Variants in SNAPC4 observed in about 807,000 individuals in gnomAD.
SNAPC4 encodes snRNA-activating protein complex subunit 4.
In SNAPC4, 127 loss-of-function variants were observed where a neutral mutation model predicts 151.3. The ratio of observed to expected loss-of-function variants is 0.84; its 90% confidence interval spans 0.73 to 0.97. SNAPC4 has a LOEUF of 0.97. Among genes scored for constraint, SNAPC4 ranks in the 50% least tolerant of loss-of-function variants. The pLI, the probability that SNAPC4 is intolerant of heterozygous loss-of-function variation, is 0.00. For missense variants in SNAPC4, 2,186 were observed against 1,935.0 expected (o/e 1.13, Z -2.43); for synonymous variants, 1,002 against 824.4 (o/e 1.22, Z -3.69).
Position 136,387,052 on chromosome 9 carries a change from T to C in SNAPC4, c.1325+433A>G, listed in dbSNP as rs1193259279. ...GAGCCACTGCGCCCAGCTTCGGAAA[T>C]ATACACTTTAAATGAACGCATCGCA... On this transcript the variant is annotated intron_variant, in intron 13 of 23. Transcript: ENST00000684778. Among the ~76,000 whole-genome samples, 3 of 152,202 alleles carry C rather than the reference T, an allele frequency of 2.0e-5. No individual in the cohort carries two copies. In the East Asian group the frequency reaches 5.8e-4, roughly 29 times the overall value.
Position 136,376,355 on chromosome 9 carries a change from C to T in SNAPC4, c.*1G>A. 1 of 1,613,076 alleles carries T rather than the reference C, an allele frequency of 6.2e-7. No individual in the cohort carries two copies. Among genetic ancestry groups the T allele is most frequent in the Non-Finnish European group, 8.5e-7 (1 of 1,179,934 alleles). On this transcript the variant is annotated 3_prime_UTR_variant, in exon 23 of 24. Transcript: ENST00000684778. ...CTCCCCACTCAGGACTCACCTGCTG[C>T]TCACACCAGCCGCCTCCGCTTCCGG...
Position 136,377,605 on chromosome 9 carries a change from C to G in SNAPC4, c.4222G>C (p.Glu1408Gln), listed in dbSNP as rs558443363. ...SESEDEDLLS[E>Q]LELADRDGQP... Reference sequence around the variant, plus strand: ...CCGTCCCTGTCTGCAAGTTCCAGCTCACTCAGGAGGTCTTCATCCTCACTC... The same window carrying G: ...CCGTCCCTGTCTGCAAGTTCCAGCTGACTCAGGAGGTCTTCATCCTCACTC... Residue 1408 changes from glutamate to glutamine, a missense_variant, in exon 22 of 24, where the codon GAG (glutamate) becomes CAG (glutamine). Coordinates refer to ENST00000684778, the MANE Select transcript of SNAPC4 (RefSeq NM_003086.4). The G allele has an allele frequency of 1.3e-6, 2 of 1,541,990 alleles. No individual in the cohort carries two copies. The highest frequency in any genetic ancestry group is 1.4e-5 in the African/African-American group (1 of 72,790).
intron 22 of SNAPC4, among the ~76,000 whole-genome samples, 164 bp downstream of exon 22, chr9:136,377,379 G>A (rs548471033): frequency 4.6e-5 from 7 of 152,262 alleles, no homozygotes; most frequent in South Asian, 2.1e-4. Context: ...GAATCTACAC[G>A]CAACTGGGCA....
intron 11 of SNAPC4, among the ~76,000 whole-genome samples, chr9:136,388,202 G>A (rs959630859): frequency 6.6e-6 from 1 of 151,470 alleles, no homozygotes; most frequent in African/African-American, 2.4e-5. Context: ...GGGAGGCAGA[G>A]GTTGCAGTGA....
rs113958885 is a variant in SNAPC4 at position 136,375,906 on chromosome 9, G to A, written c.*8-106C>T. On this transcript the variant is annotated intron_variant, in intron 23 of 23. Transcript: ENST00000684778. ...CCAAGACCACCCCAGCGCCGGCCACGCCCAGTCTGCTTGGTAAACCTGACC... is the reference window on the plus strand; with the variant it reads ...CCAAGACCACCCCAGCGCCGGCCACACCCAGTCTGCTTGGTAAACCTGACC... 1,006 of 155,452 alleles carry A rather than the reference G, an allele frequency of 6.5e-3. 15 individuals are homozygous for A. The highest frequency in any genetic ancestry group is 0.023 in the African/African-American group (966 of 41,658). 9.6% of individuals were successfully genotyped at this position (155,452 alleles called of 1,614,324 possible). A position where few individuals can be genotyped will look rare whatever the true frequency, so the allele number is the denominator to read the frequency against.
Position 136,394,852 on chromosome 9 carries a change from T to C in SNAPC4, c.498A>G (p.Arg166=). 6.2e-7 allele frequency: 1 copy of C among 1,613,854 alleles called. No homozygotes were observed. The highest frequency in any genetic ancestry group is 8.5e-7 in the Non-Finnish European group (1 of 1,179,958). ...GVGPPANEDT[R]EKAAQGIKAF... ...CCTTGATCCCCTGGGCAGCCTTCTC[T>C]CGTGTGTCCTCGTTGGCAGGTGGCC... Residue 166 remains arginine (R), a synonymous_variant, in exon 6 of 24, where the codon CGA becomes CGG. Coordinates refer to ENST00000684778, the MANE Select transcript of SNAPC4 (RefSeq NM_003086.4).
Position 136,379,322 on chromosome 9 carries a change from C to G in SNAPC4, c.2528-23G>C, listed in dbSNP as rs781518094. The G allele has an allele frequency of 3.1e-6, 5 of 1,611,678 alleles. 1 individual carries two copies. The Admixed American group carries it at 8.3e-5, about 27-fold the overall frequency. ...GGCCTGTGGGGAGGAAAGACCCACA[C>G]TTGATAAGCCCCAGGCATCTGGCCC... is the stretch of plus-strand genomic sequence containing the variant. On this transcript the variant is annotated intron_variant, in intron 21 of 23. Coordinates refer to ENST00000684778, the MANE Select transcript of SNAPC4 (RefSeq NM_003086.4).
At position 136,392,345 on chromosome 9, in the gene SNAPC4, C is replaced by T. The variant is rs779660708; in HGVS notation, c.810+177G>A. On this transcript the variant is annotated intron_variant, in intron 9 of 23. Coordinates refer to ENST00000684778, the MANE Select transcript of SNAPC4 (RefSeq NM_003086.4). Reference sequence around the variant, plus strand: ...GGCCGTGCACCAGCCTGAAGGCCCTCGTGAGTCCACTCGCCATTCCCGACT... The same window carrying T: ...GGCCGTGCACCAGCCTGAAGGCCCTTGTGAGTCCACTCGCCATTCCCGACT... Among the ~76,000 whole-genome samples, 10 of 152,180 alleles carry T rather than the reference C, an allele frequency of 6.6e-5. No individual in the cohort carries two copies. The South Asian group carries it at 8.3e-4, about 13-fold the overall frequency.
chr9:136,384,343 C>G (rs1247154935), intron 14 of SNAPC4, among the ~76,000 whole-genome samples: 8 of 152,236 alleles, frequency 5.3e-5, no homozygotes, highest in African/African-American at 1.9e-4. Flanking sequence ...GATTCCCGCT[C>G]TTCACAGTGT....
intron 13 of SNAPC4, among the ~76,000 whole-genome samples, chr9:136,386,380 A>G (rs887104710): frequency 6.6e-6 from 1 of 151,666 alleles, no homozygotes; most frequent in African/African-American, 2.4e-5. Context: ...TGATGGCTGC[A>G]CAGCTCAATG....
chr9:136,394,476 A>G (rs1448078998), intron 6 of SNAPC4, 146 bp from the exon 7 acceptor site: 2 of 732,054 alleles, frequency 2.7e-6, no homozygotes, highest in Non-Finnish European at 4.9e-6. Context: ...TGGCCCCTCC[A>G]CCCAGCTGAC....
chr9:136,394,987 T>G, intron 5 of SNAPC4, 109 bp from the exon 6 acceptor site: 1 of 1,002,456 alleles, frequency 1.0e-6, no homozygotes, highest in Non-Finnish European at 1.5e-6. Context: ...CTGCCTCCTG[T>G]TCTCCCGTAC....
Position 136,383,656 on chromosome 9 carries a change from G to A in SNAPC4, c.1513C>T (p.Leu505Phe). 6.2e-7 allele frequency: 1 copy of A among 1,605,198 alleles called. No homozygotes were observed. Among genetic ancestry groups the A allele is most frequent in the Non-Finnish European group, 8.5e-7 (1 of 1,175,400 alleles). Residue 505 changes from leucine (L) to phenylalanine (F), a missense_variant, in exon 16 of 24, where the codon CTC becomes TTC. By Grantham distance (22) the Leu-to-Phe change is conservative. Coordinates refer to ENST00000684778, the MANE Select transcript of SNAPC4 (RefSeq NM_003086.4). The surrounding 1 kb of genome is among the most constrained non-coding windows in gnomAD (Gnocchi z 4.2). ...WKIMMGKKQG[L>F]RRRRRRARHS... ...CGGGCCCTCCGCCGCCGCCTCCGGAGACCCTGCTTCTTCTGAGGGGAGGAA... is the reference window on the plus strand; with the variant it reads ...CGGGCCCTCCGCCGCCGCCTCCGGAAACCCTGCTTCTTCTGAGGGGAGGAA...
Position 136,376,432 on chromosome 9 carries a change from G to A in SNAPC4, c.4334C>T (p.Ser1445Phe). 1.2e-6 allele frequency: 2 copies of A among 1,613,548 alleles called. No homozygotes were observed. The highest frequency in any genetic ancestry group is 2.2e-5 in the East Asian group (1 of 44,888). ...KCSASSCLDT[S>F]NDPDDLDVLR... is the part of the protein sequence containing the mutation. ...CACGTCCAGGTCGTCAGGGTCATTAGAAGTATCCAGGCAGGAGGAAGCAGA... is the reference window on the plus strand; with the variant it reads ...CACGTCCAGGTCGTCAGGGTCATTAAAAGTATCCAGGCAGGAGGAAGCAGA... The change falls in exon 23 of 24, where the codon TCT (serine) becomes TTT (phenylalanine). Residue 1445 changes from serine (S) to phenylalanine (F), a missense_variant. By Grantham distance (155) the Ser-to-Phe change is radical (BLOSUM62 -2). Coordinates refer to ENST00000684778, the MANE Select transcript of SNAPC4 (RefSeq NM_003086.4).
chr9:136,398,498 C>T, intron 1 of SNAPC4, 61 bp from the exon 2 acceptor site: 2 of 1,577,006 alleles, frequency 1.3e-6, no homozygotes, highest in Non-Finnish European at 1.7e-6. Flanking sequence ...TCCCATTCTC[C>T]TTCAGACACA....
At chr9:136,394,666 G>A in intron 6 of SNAPC4, 134 bp downstream of exon 6, 1 of 764,676 alleles carries the variant, frequency 1.3e-6, no homozygotes, top group South Asian at 1.7e-5. Context: ...GCCAGTCCCA[G>A]TGGTCAAGGC....
chr9:136,392,659 G>A lies in SNAPC4; in HGVS notation c.737+14C>T. 4 of 1,613,558 alleles carry A rather than the reference G, an allele frequency of 2.5e-6. No individual in the cohort carries two copies. The highest frequency in any genetic ancestry group is 3.4e-6 in the Non-Finnish European group (4 of 1,179,832). On this transcript the variant is annotated intron_variant, in intron 8 of 23. Coordinates refer to ENST00000684778, the MANE Select transcript of SNAPC4 (RefSeq NM_003086.4). ...TGTGGGCTCCCCTGGGCCCTCCCGG[G>A]AGGCCCCCCTCACTTGATGTCCTGG...
At chr9:136,399,802 G>T (rs368611510) in intron 1 of SNAPC4, among the ~76,000 whole-genome samples, 1 of 152,224 alleles carries the variant, frequency 6.6e-6, no homozygotes, top group Non-Finnish European at 1.5e-5. Flanking sequence ...GCGTGAACTG[G>T]GGAAACCCCC....
chr9:136,376,588 G>A, intron 22 of SNAPC4, 107 bp from the exon 23 acceptor site: 1 of 1,360,688 alleles, frequency 7.3e-7, no homozygotes, highest in Non-Finnish European at 1.0e-6. Context: ...GTCCCACTTG[G>A]GACAGGGCAC....
Sources: gnomAD v4.1 joint callset for allele counts (sites outside exome capture counted in the v4.1 genomes callset) on GRCh38, gnomAD v4.1.1 for gene constraint, Gnocchi (gnomAD v3.1) non-coding constraint, MANE v1.5 for transcripts, NCBI Gene and HGNC (gene_info 2026-07-23, HGNC 2026-07-21) for gene names.